The following ZNF804A variants were observed in gnomAD, a reference collection of about 807,000 sequenced individuals.
ZNF804A encodes the protein zinc finger protein 804A.
Under a neutral mutation model 16.5 loss-of-function variants are expected in ZNF804A, and 2 were observed. The ratio of observed to expected loss-of-function variants is 0.12; its 90% confidence interval spans 0.05 to 0.38. The LOEUF is 0.38. Among genes scored for constraint, ZNF804A ranks in the 10% least tolerant of loss-of-function variants. ZNF804A has a pLI of 0.99. For synonymous variants in ZNF804A, 534 were observed against 489.6 expected (o/e 1.09, Z -1.20); for missense variants, 1,473 against 1,390.7 (o/e 1.06, Z -0.94).
intron 1 of ZNF804A, among the ~76,000 whole-genome samples, chr2:184,789,568 T>C (rs1482494331): frequency 6.6e-6 from 1 of 152,044 alleles, no homozygotes; most frequent in Non-Finnish European, 1.5e-5. Flanking sequence ...TCTCGGGAGG[T>C]TGTATGTTTC....
chr2:184,649,406 C>T, intron 1 of ZNF804A, among the ~76,000 whole-genome samples: 1 of 151,716 alleles, frequency 6.6e-6, no homozygotes, highest in South Asian at 2.1e-4. Flanking sequence ...CCCAAAGCTA[C>T]CAGATGAAAA....
intron 2 of ZNF804A, among the ~76,000 whole-genome samples, chr2:184,924,949 G>T (rs1347909112): frequency 6.6e-6 from 1 of 151,772 alleles, no homozygotes; most frequent in Non-Finnish European, 1.5e-5. Flanking sequence ...GATTTGTTTT[G>T]TGATGTGACA....
chr2:184,840,555 C>T (rs546367938), intron 1 of ZNF804A, among the ~76,000 whole-genome samples: 13 of 152,134 alleles, frequency 8.5e-5, no homozygotes, highest in South Asian at 4.2e-4. Context: ...TTAATTCAAA[C>T]GTCATATGCT....
chr2:184,659,159 T>C (rs1692127167), intron 1 of ZNF804A, among the ~76,000 whole-genome samples: 1 of 152,210 alleles, frequency 6.6e-6, no homozygotes, highest in Non-Finnish European at 1.5e-5. Flanking sequence ...CGTCTTGAGT[T>C]TGAAACAGGC....
chr2:184,605,739 T>A (rs1691135420), intron 1 of ZNF804A, among the ~76,000 whole-genome samples: 1 of 152,134 alleles, frequency 6.6e-6, no homozygotes, highest in Non-Finnish European at 1.5e-5. Context: ...CTGTAGATTT[T>A]GATATATATC....
chr2:184,895,842 C>T (rs934136643), intron 2 of ZNF804A, among the ~76,000 whole-genome samples: 2 of 152,188 alleles, frequency 1.3e-5, no homozygotes, highest in Non-Finnish European at 1.5e-5. Flanking sequence ...CAAACTTTCT[C>T]TTCACAAAAT....
intron 1 of ZNF804A, among the ~76,000 whole-genome samples, chr2:184,675,741 A>G (rs1053336691): frequency 1.3e-5 from 2 of 151,776 alleles, no homozygotes; most frequent in Non-Finnish European, 3.0e-5. Context: ...GTAAGTGAAA[A>G]ACAAAATCAG....
At chr2:184,736,604 G>A (rs1693617579) in intron 1 of ZNF804A, among the ~76,000 whole-genome samples, 1 of 151,936 alleles carries the variant, frequency 6.6e-6, no homozygotes, top group African/African-American at 2.4e-5. Flanking sequence ...CGAGGGGAGG[G>A]AACCTAGATG....
intron 1 of ZNF804A, among the ~76,000 whole-genome samples, chr2:184,619,634 G>A (rs1200979536): frequency 6.6e-6 from 1 of 151,904 alleles, no homozygotes. Context: ...TTTTAAAGCA[G>A]GTGGGTACAG....
At chr2:184,849,584 A>G (rs1376650077) in intron 1 of ZNF804A, among the ~76,000 whole-genome samples, 1 of 152,038 alleles carries the variant, frequency 6.6e-6, no homozygotes, top group Non-Finnish European at 1.5e-5. Flanking sequence ...ATAGGCAATA[A>G]TGAATATTGG....
chr2:184,881,654 T>G (rs1684811904), intron 2 of ZNF804A, among the ~76,000 whole-genome samples: 2 of 152,036 alleles, frequency 1.3e-5, no homozygotes, highest in African/African-American at 4.8e-5. Flanking sequence ...AAGAGTTTTT[T>G]TTTCTTTATT....
intron 1 of ZNF804A, among the ~76,000 whole-genome samples, chr2:184,751,578 A>G (rs1050779354): frequency 1.3e-4 from 20 of 151,520 alleles, no homozygotes; most frequent in Non-Finnish European, 2.1e-4. Context: ...GGCAACATAC[A>G]AGGATTCATG....
chr2:184,897,252 A>C (rs1203235399), intron 2 of ZNF804A, among the ~76,000 whole-genome samples: 1 of 152,134 alleles, frequency 6.6e-6, no homozygotes. Context: ...TACTATTATC[A>C]CAAATTGTCA....
chr2:184,797,961 T>A (rs768901072), intron 1 of ZNF804A, among the ~76,000 whole-genome samples: 9 of 151,888 alleles, frequency 5.9e-5, no homozygotes, highest in Non-Finnish European at 8.8e-5. Context: ...CTTTCTTTCA[T>A]ATATAATGCT....
intron 1 of ZNF804A, among the ~76,000 whole-genome samples, chr2:184,629,798 G>T (rs1691575100): frequency 6.6e-6 from 1 of 152,084 alleles, no homozygotes; most frequent in Non-Finnish European, 1.5e-5. Context: ...TACTAAATGT[G>T]CATGTTCTAG....
chr2:184,688,074 G>A (rs563830141), intron 1 of ZNF804A, among the ~76,000 whole-genome samples: 3 of 152,240 alleles, frequency 2.0e-5, no homozygotes, highest in East Asian at 1.9e-4. Flanking sequence ...AGCCGAAATC[G>A]TACCACTGCA....
intron 2 of ZNF804A, among the ~76,000 whole-genome samples, chr2:184,897,968 A>G (rs955834237): frequency 6.6e-6 from 1 of 152,142 alleles, no homozygotes; most frequent in Non-Finnish European, 1.5e-5. Context: ...TCTGGGCTCT[A>G]GGTCTGTTCC....
At chr2:184,608,272 G>A (rs1416236515) in intron 1 of ZNF804A, among the ~76,000 whole-genome samples, 1 of 152,064 alleles carries the variant, frequency 6.6e-6, no homozygotes, top group Non-Finnish European at 1.5e-5. Context: ...GAGTATAAGG[G>A]GTTGTTCTTT....
intron 1 of ZNF804A, among the ~76,000 whole-genome samples, chr2:184,697,808 A>G (rs1692856624): frequency 6.6e-6 from 1 of 152,100 alleles, no homozygotes; most frequent in African/African-American, 2.4e-5. Flanking sequence ...TATAAAATCT[A>G]GAAGAGGGCT....
Sources: gnomAD v4.1 joint callset for allele counts (sites outside exome capture counted in the v4.1 genomes callset) on GRCh38, gnomAD v4.1.1 for gene constraint, MANE v1.5 for transcripts, NCBI Gene and HGNC (gene_info 2026-07-23, HGNC 2026-07-21) for gene names.